SGCD: variants seen among roughly 807,000 people sequenced by gnomAD.
SGCD encodes sarcoglycan delta, also known as delta-sarcoglycan.
In SGCD, 18 loss-of-function variants were observed where a neutral mutation model predicts 36.6. The ratio of observed to expected loss-of-function variants is 0.49; its 90% confidence interval spans 0.34 to 0.73. SGCD has a LOEUF of 0.73. Ranked by LOEUF, SGCD falls within the 30% of genes least tolerant of loss-of-function variation. SGCD has a pLI of 0.01. For synonymous variants in SGCD, 133 were observed against 130.6 expected (o/e 1.02, Z -0.12); for missense variants, 387 against 346.7 (o/e 1.12, Z -0.92).
At chr5:156,085,923 A>C (rs1049504073) in intron 1 of SGCD, among the ~76,000 whole-genome samples, 66 of 152,332 alleles carry the variant, frequency 4.3e-4, no homozygotes, top group African/African-American at 1.6e-3. Context: ...GTAAAACATT[A>C]AATTATTTGT....
chr5:156,364,725 G>A (rs1352772749), intron 3 of SGCD, among the ~76,000 whole-genome samples: 3 of 152,160 alleles, frequency 2.0e-5, no homozygotes, highest in Non-Finnish European at 4.4e-5. Flanking sequence ...TATTGTTAGT[G>A]ACAGGACAGT....
chr5:156,193,557 C>T (rs987710103), intron 3 of SGCD, among the ~76,000 whole-genome samples: 5 of 152,118 alleles, frequency 3.3e-5, no homozygotes, highest in African/African-American at 1.2e-4. Flanking sequence ...GGGCCAGACT[C>T]ATTAGAGGAC....
intron 1 of SGCD, among the ~76,000 whole-genome samples, chr5:156,079,574 C>A (rs1760893985): frequency 6.6e-6 from 1 of 152,142 alleles, no homozygotes; most frequent in Non-Finnish European, 1.5e-5. Flanking sequence ...TAAACATTCC[C>A]ATTCCAAAAT....
At chr5:156,072,591 A>T (rs1760615425) in intron 1 of SGCD, among the ~76,000 whole-genome samples, 1 of 152,052 alleles carries the variant, frequency 6.6e-6, no homozygotes, top group South Asian at 2.1e-4. Context: ...ACTTTGGTGA[A>T]TCTGACAATT....
At chr5:155,837,036 T>C in the SGCD span, among the ~76,000 whole-genome samples, 2 of 152,270 alleles carry the variant, frequency 1.3e-5, no homozygotes, top group African/African-American at 4.8e-5. Flanking sequence ...TCTGTTTGTT[T>C]GCTCTTTGCA....
intron 1 of SGCD, among the ~76,000 whole-genome samples, chr5:155,953,473 G>A (rs1410707820): frequency 1.3e-5 from 2 of 152,170 alleles, no homozygotes; most frequent in African/African-American, 2.4e-5. Flanking sequence ...TGCAAAGCCT[G>A]GAAAAGTTTG....
chr5:155,883,219 T>C (rs1229055444), intron 1 of SGCD, among the ~76,000 whole-genome samples: 1 of 152,206 alleles, frequency 6.6e-6, no homozygotes, highest in African/African-American at 2.4e-5. Flanking sequence ...ACTTTCTCCA[T>C]ATCAACAGTA....
chr5:156,596,835 A>G (rs549382449), intron 6 of SGCD, among the ~76,000 whole-genome samples: 2 of 152,214 alleles, frequency 1.3e-5, no homozygotes, highest in Admixed American at 6.5e-5. Flanking sequence ...ATGCACGCAT[A>G]TGTACATGTG....
intron 1 of SGCD, among the ~76,000 whole-genome samples, chr5:156,042,630 T>C (rs1225522196): frequency 2.0e-5 from 3 of 152,128 alleles, no homozygotes; most frequent in Non-Finnish European, 4.4e-5. Context: ...TTGTTGGGGA[T>C]GCAATCATAG....
chr5:156,044,862 T>G (rs1370321193), intron 1 of SGCD, among the ~76,000 whole-genome samples: 1 of 152,076 alleles, frequency 6.6e-6, no homozygotes, highest in Non-Finnish European at 1.5e-5. Flanking sequence ...ACACACATGT[T>G]TTACATATGT....
the SGCD span, among the ~76,000 whole-genome samples, chr5:155,812,535 T>G: frequency 6.6e-6 from 1 of 152,220 alleles, no homozygotes; most frequent in Non-Finnish European, 1.5e-5. Flanking sequence ...GAAAAAATTT[T>G]GGTCACCAAA....
chr5:155,904,510 G>A (rs1203397301), intron 1 of SGCD, among the ~76,000 whole-genome samples: 1 of 151,982 alleles, frequency 6.6e-6, no homozygotes, highest in Non-Finnish European at 1.5e-5. Flanking sequence ...TTTTTAATTT[G>A]TTCGTATGTT....
chr5:156,631,595 C>T (rs985404560), intron 6 of SGCD, among the ~76,000 whole-genome samples: 4 of 150,834 alleles, frequency 2.7e-5, no homozygotes, highest in Non-Finnish European at 5.9e-5. Context: ...CTATTAAAGG[C>T]TCACAAAATG....
Position 156,269,598 on chromosome 5 carries a change from C to T in SGCD, c.-43-59936C>T, listed in dbSNP as rs1426308741. ...TGATTCAACTACCTCCCACTGGGTCCCTCCCACAACATGTGGGAATTCTGG... is the reference window on the plus strand; with the variant it reads ...TGATTCAACTACCTCCCACTGGGTCTCTCCCACAACATGTGGGAATTCTGG... On this transcript the variant is annotated intron_variant, in intron 3 of 9. Coordinates refer to the SGCD transcript ENST00000517913. 2.0e-5 allele frequency among the ~76,000 whole-genome samples: 3 copies of T among 151,624 alleles called. No individual in the cohort carries two copies. In the South Asian group the frequency reaches 6.2e-4, roughly 32 times the overall value.
intron 1 of SGCD, among the ~76,000 whole-genome samples, chr5:155,935,736 G>A (rs2113399360): frequency 6.6e-6 from 1 of 152,318 alleles, no homozygotes; most frequent in African/African-American, 2.4e-5. Context: ...TTTCCAGCTG[G>A]AAACCTCTGT....
intron 3 of SGCD, among the ~76,000 whole-genome samples, chr5:156,131,838 ATTGT>A (rs749405607): frequency 2.0e-5 from 3 of 152,212 alleles, no homozygotes; most frequent in Non-Finnish European, 4.4e-5. Flanking sequence ...AGCAAGGTTA[ATTGT>A]TTGGGAACAT....
intron 3 of SGCD, among the ~76,000 whole-genome samples, chr5:156,256,063 T>C (rs1765708468): frequency 1.3e-5 from 2 of 152,212 alleles, no homozygotes; most frequent in African/African-American, 4.8e-5. Context: ...TAGTTTTGCA[T>C]GTATCTGTTC....
chr5:156,584,998 T>G (rs1760434593), intron 4 of SGCD, among the ~76,000 whole-genome samples: 1 of 152,208 alleles, frequency 6.6e-6, no homozygotes, highest in Admixed American at 6.5e-5. Flanking sequence ...GCAGTCCCCT[T>G]GCAGTGGTGA....
At chr5:155,866,613 A>ACTG (rs888006005), upstream of SGCD, among the ~76,000 whole-genome samples, 1 of 152,160 alleles carries the variant, frequency 6.6e-6, no homozygotes, top group African/African-American at 2.4e-5. Flanking sequence ...TACAGCTACA[A>ACTG]CTGCTGCTGC....
Sources: gnomAD v4.1 joint callset for allele counts (sites outside exome capture counted in the v4.1 genomes callset) on GRCh38, gnomAD v4.1.1 for gene constraint, MANE v1.5 for transcripts, NCBI Gene and HGNC (gene_info 2026-07-23, HGNC 2026-07-21) for gene names.